The following LRP4 variants were observed in gnomAD, a reference collection of about 807,000 sequenced individuals.
The protein encoded by LRP4 is low-density lipoprotein receptor-related protein 4.
Under a neutral mutation model 220.3 loss-of-function variants are expected in LRP4, and 95 were observed. That is an observed-to-expected ratio of 0.43 (90% confidence interval 0.37 to 0.51). The LOEUF (loss-of-function observed/expected upper bound fraction) is 0.51. LRP4 is among the 20% of genes least tolerant of loss of function. LRP4 has a pLI of 0.00. For synonymous variants in LRP4, 903 were observed against 954.6 expected, an observed-to-expected ratio of 0.95 and a Z score of 1.00; for missense variants, 1,925 against 2,567.0, an observed-to-expected ratio of 0.75 and a Z score of 5.40.
chr11:46,886,442 C>T lies in LRP4; in HGVS notation c.2307G>A (p.Leu769=), dbSNP rs763092683. ...TEDLSDDVIP[L]ADVRSAVALD... is the part of the protein sequence containing the mutation. The stretch of plus-strand genomic sequence containing the variant: ...GGGCCACAGCACTGCGCACGTCAGC[C>T]AGTGGGATGACATCATCAGACAGGT... The change falls in exon 17 of 38, where the codon CTG becomes CTA. Residue 769 remains leucine (L), a synonymous_variant. Coordinates refer to ENST00000378623, the MANE Select transcript of LRP4 (RefSeq NM_002334.4). 17 of 1,614,118 alleles carry T rather than the reference C, an allele frequency of 1.1e-5. No individual in the cohort carries two copies. The highest frequency in any genetic ancestry group is 6.6e-5 in the South Asian group (6 of 91,070).
rs757480962 is a variant in LRP4, at chr11:46,875,539, C to G, written c.3842G>C (p.Gly1281Ala). The change falls in exon 27 of 38, where the codon GGT becomes GCT. Residue 1281 changes from glycine (G) to alanine (A), a missense_variant. Physicochemically the swap from Gly to Ala is moderately conservative, Grantham distance 60 (BLOSUM62 0). Transcript: ENST00000378623. The surrounding 1 kb of genome is among the most constrained non-coding windows in gnomAD (Gnocchi z 4.5). ...QTRSIHRADK[G>A]TGSNVILVRS... The stretch of plus-strand genomic sequence containing the variant: ...CACGAGGATGACATTGCTGCCAGTA[C>G]CCTTGTCAGCACGGTGGATGCTCCG... 1 of 1,614,152 alleles carries G rather than the reference C, an allele frequency of 6.2e-7. No individual in the cohort carries two copies. Among genetic ancestry groups the G allele is most frequent in the Non-Finnish European group, 8.5e-7 (1 of 1,180,022 alleles).
At chr11:46,870,668 C>T (rs911660600) in intron 31 of LRP4, among the ~76,000 whole-genome samples, 9 of 152,236 alleles carry the variant, frequency 5.9e-5, no homozygotes, top group African/African-American at 1.9e-4. Context: ...TCAAGTGATA[C>T]TCTGGCCTCA....
Position 46,918,475 on chromosome 11 carries a change from G to T in LRP4, c.-96C>A. 1 of 925,858 alleles carries T rather than the reference G, an allele frequency of 1.1e-6. No individual in the cohort carries two copies. Among genetic ancestry groups the T allele is most frequent in the Non-Finnish European group, 1.4e-6 (1 of 724,414 alleles). The allele number at this position is 925,858 out of a possible 1,614,324, so 57.4% of individuals were successfully genotyped here. ...AGGGTCCCCGAGGGGGAAGCGTCCC[G>T]GGTGCACGGCGGCCTGCGCGCCCCG... On this transcript the variant is annotated 5_prime_UTR_variant, in exon 1 of 38. Coordinates refer to ENST00000378623, the MANE Select transcript of LRP4 (RefSeq NM_002334.4). The surrounding 1 kb of genome is among the most constrained non-coding windows in gnomAD (Gnocchi z 6.0).
intron 1 of LRP4, among the ~76,000 whole-genome samples, chr11:46,904,919 TGA>T (rs1394201595): frequency 7.5e-6 from 1 of 132,686 alleles, no homozygotes; most frequent in African/African-American, 2.9e-5. Flanking sequence ...GAGGCTGCAG[TGA>T]GCCATGATCT....
chr11:46,857,470 G>T lies in LRP4; in HGVS notation c.*1513C>A, dbSNP rs954431072. ...CTCCTGCCACTTCTAATTCCTGGGG[G>T]AGAAGAGGTCTGGGTCTGCCATGGG... is the stretch of plus-strand genomic sequence containing the variant. On this transcript the variant is annotated 3_prime_UTR_variant, in exon 38 of 38. Transcript: ENST00000378623. 6.6e-5 allele frequency: 10 copies of T among 152,110 alleles called. No homozygotes were observed. The highest frequency in any genetic ancestry group is 1.3e-4 in the Non-Finnish European group (9 of 68,058). The allele number at this position is 152,110 out of a possible 1,614,324, so 9.4% of individuals were successfully genotyped here. A position where few individuals can be genotyped will look rare whatever the true frequency, so the allele number is the denominator to read the frequency against.
chr11:46,891,211 C>T (rs1458682991), intron 13 of LRP4, among the ~76,000 whole-genome samples: 1 of 151,878 alleles, frequency 6.6e-6, no homozygotes, highest in East Asian at 1.9e-4. Flanking sequence ...CCTCCTGGAC[C>T]CAAGTGATTC....
In LRP4 at chr11:46,862,467, A is replaced by G. The variant is rs953948779; in HGVS notation, c.5385+139T>C. On this transcript the variant is annotated intron_variant, in intron 37 of 37. Coordinates refer to ENST00000378623, the MANE Select transcript of LRP4 (RefSeq NM_002334.4). ...CTTCCCAGAAACCCAAATTACATTC[A>G]GTTCTTCTGTTCACTATAACTTCCA... 7.8e-6 allele frequency: 7 copies of G among 902,342 alleles called. No homozygotes were observed. The African/African-American group carries it at 9.8e-5, about 13-fold the overall frequency. The allele number at this position is 902,342 out of a possible 1,614,324, so 55.9% of individuals were successfully genotyped here. A position where few individuals can be genotyped will look rare whatever the true frequency, so the allele number is the denominator to read the frequency against.
At chr11:46,880,300 CAAAAA>C (rs34098785) in intron 20 of LRP4, among the ~76,000 whole-genome samples, 1 of 84,306 alleles carries the variant, frequency 1.2e-5, no homozygotes, top group Non-Finnish European at 2.5e-5. Context: ...ACTGCAGTCT[CAAAAA>C]AAAAAAAAAA....
chr11:46,871,615 C>T lies in LRP4; in HGVS notation c.4602G>A (p.Ala1534=), dbSNP rs562126805. 1.5e-5 allele frequency: 24 copies of T among 1,611,244 alleles called. No homozygotes were observed. The East Asian group carries it at 2.2e-4, about 15-fold the overall frequency. The change falls in exon 31 of 38, where the codon GCG becomes GCA. Residue 1534 remains alanine, a synonymous_variant. Transcript: ENST00000378623. Reference sequence around the variant, plus strand: ...CAGCACTCTCGATCCGGTCCAGATGCGCATCCACCCAGTAGATCCTGCGAA... The same window carrying T: ...CAGCACTCTCGATCCGGTCCAGATGTGCATCCACCCAGTAGATCCTGCGAA... ...YDTRRIYWVD[A]HLDRIESADL...
intron 13 of LRP4, among the ~76,000 whole-genome samples, chr11:46,891,704 C>T (rs1941428453): frequency 1.3e-5 from 2 of 152,080 alleles, no homozygotes; most frequent in Admixed American, 1.3e-4. Flanking sequence ...CAGCCTCGAA[C>T]TCCAGGGCTC....
intron 36 of LRP4, among the ~76,000 whole-genome samples, chr11:46,863,629 C>T (rs1249618560): frequency 1.4e-5 from 2 of 147,470 alleles, no homozygotes; most frequent in African/African-American, 2.5e-5. Flanking sequence ...CATGGTGGTG[C>T]ATGCTTGTAG....
intron 16 of LRP4, among the ~76,000 whole-genome samples, chr11:46,888,030 A>T (rs1215978610): frequency 7.2e-6 from 1 of 139,504 alleles, no homozygotes; most frequent in Non-Finnish European, 1.5e-5. Context: ...AAAAAAAAAA[A>T]AAAAAAAAAA....
chr11:46,895,381 C>G, intron 10 of LRP4, 90 bp from the exon 11 acceptor site: 1 of 1,561,194 alleles, frequency 6.4e-7, no homozygotes, highest in African/African-American at 1.3e-5. Flanking sequence ...TGCCCACATC[C>G]CCATCTACTT....
At chr11:46,866,905 G>A (rs900278011) in intron 34 of LRP4, among the ~76,000 whole-genome samples, 1 of 151,668 alleles carries the variant, frequency 6.6e-6, no homozygotes, top group Non-Finnish European at 1.5e-5. Flanking sequence ...CAGCCTGGGT[G>A]ACAGAGTGAG....
At chr11:46,878,579 T>A (rs1941073965) in intron 22 of LRP4, among the ~76,000 whole-genome samples, 1 of 152,116 alleles carries the variant, frequency 6.6e-6, no homozygotes, top group Non-Finnish European at 1.5e-5. Flanking sequence ...CAGCCAGAAG[T>A]GTCTTATTCC....
Position 46,896,275 on chromosome 11 carries a change from C to G in LRP4, c.983G>C (p.Arg328Thr). The change falls in exon 9 of 38, where the codon AGG becomes ACG. Residue 328 changes from arginine (R) to threonine (T), a missense_variant. Around this residue, in one of 3 missense-constraint regions of LRP4, gnomAD observed 412 missense variants for 505.4 expected, o/e 0.82. Coordinates refer to ENST00000378623, the MANE Select transcript of LRP4 (RefSeq NM_002334.4). ...GTCGTTGACCCCGTTGCACAGCTTC[C>G]TCTGCCCAATGCAGCGCCCATTCCA... ...LCWNGRCIGQRKLCNGVNDCG... is the reference protein window; with the variant it reads ...LCWNGRCIGQTKLCNGVNDCG... The G allele has an allele frequency of 6.2e-7, 1 of 1,614,192 alleles. No individual in the cohort carries two copies. Among genetic ancestry groups the G allele is most frequent in the African/African-American group, 1.3e-5 (1 of 75,074 alleles).
intron 25 of LRP4, 132 bp downstream of exon 25, chr11:46,876,334 A>T: frequency 1.0e-6 from 1 of 980,142 alleles, no homozygotes; most frequent in Non-Finnish European, 1.6e-6. Context: ...GTCACAAGAG[A>T]GTGGAAGAGC....
chr11:46,883,890 C>CG lies in LRP4; in HGVS notation c.2592dup (p.Val865ArgfsTer13). 6.2e-7 allele frequency: 1 copy of CG among 1,614,192 alleles called. No individual in the cohort carries two copies. Among genetic ancestry groups the CG allele is most frequent in the Non-Finnish European group, 8.5e-7 (1 of 1,180,012 alleles). On this transcript the variant is annotated frameshift_variant, in exon 19 of 38. Coordinates refer to ENST00000378623, the MANE Select transcript of LRP4 (RefSeq NM_002334.4). LOFTEE classifies it high-confidence loss of function. ...ACTCACCCGCCCATGGGTTCCACCA[C>CG]GATGTCCCGAGGACGATCAAGGTTC... is the stretch of plus-strand genomic sequence containing the variant.
At position 46,915,319 on chromosome 11, in the gene LRP4, T is replaced by A. The variant is rs554896586; in HGVS notation, c.52+3009A>T. On this transcript the variant is annotated intron_variant, in intron 1 of 37. Transcript: ENST00000378623. Reference sequence around the variant, plus strand: ...ACGCCTAGGCAGAAGTTTTAACATTTCCCTTACCTGGATGAGACCTCTAGA... The same window carrying A: ...ACGCCTAGGCAGAAGTTTTAACATTACCCTTACCTGGATGAGACCTCTAGA... Among the ~76,000 whole-genome samples the A allele has an allele frequency of 3.3e-5, 5 of 152,330 alleles. No homozygotes were observed. The South Asian group carries it at 1.0e-3, about 32-fold the overall frequency.
Sources: allele counts gnomAD v4.1 joint callset (sites outside exome capture counted in the v4.1 genomes callset), GRCh38; gene constraint gnomAD v4.1.1; regional missense constraint gnomAD v4.1.1; non-coding constraint Gnocchi (gnomAD v3.1); transcripts MANE v1.5; gene names NCBI Gene and HGNC (gene_info 2026-07-23, HGNC 2026-07-21).